SCIN: variants seen among roughly 807,000 people sequenced by gnomAD.
The protein encoded by SCIN is scinderin, also known as adseverin.
A neutral mutation model predicts 91.8 loss-of-function variants in SCIN; 91 were observed. That is an observed-to-expected ratio of 0.99 (90% CI 0.84 to 1.18). SCIN has a LOEUF of 1.18. Ranked by LOEUF, SCIN falls within the 50% of genes most tolerant of loss-of-function variation. SCIN has a pLI of 0.00. For missense variants in SCIN, 1,087 were observed against 863.9 expected (o/e 1.26, Z -3.24); for synonymous variants, 367 against 312.6 (o/e 1.17, Z -1.84).
chr7:12,636,801 A>G (rs1167152975), intron 10 of SCIN, among the ~76,000 whole-genome samples: 1 of 152,176 alleles, frequency 6.6e-6, no homozygotes, highest in Non-Finnish European at 1.5e-5. Flanking sequence ...CATTCCCAAC[A>G]CAAAGAAATG....
chr7:12,642,928 T>C (rs917192610), intron 11 of SCIN, among the ~76,000 whole-genome samples: 3 of 152,186 alleles, frequency 2.0e-5, no homozygotes, highest in Admixed American at 6.5e-5. Flanking sequence ...TGCTACCATA[T>C]GTATTGATCT....
At chr7:12,597,068 A>G (rs192620160) in intron 3 of SCIN, among the ~76,000 whole-genome samples, 84 of 152,366 alleles carry the variant, frequency 5.5e-4, no homozygotes, top group Admixed American at 1.4e-3. Flanking sequence ...CACACACAAT[A>G]TCTTTCAATA....
intron 9 of SCIN, 49 bp downstream of exon 9, chr7:12,629,271 G>A: frequency 6.4e-7 from 1 of 1,561,448 alleles, no homozygotes. Context: ...GCCAGATTTT[G>A]CTCCAAAGTA....
rs1301974709 is a variant in SCIN at position 12,657,606 on chromosome 7, C to CA, written c.*4898dup. On this transcript the variant is annotated 3_prime_UTR_variant, in exon 16 of 16. Transcript: ENST00000297029. ...TTTTTTTTTTTTTTTTTTGCATTGG[C>CA]AAAAAAACAAAGATATTGTTTAGCA... 4.0e-4 allele frequency: 16 copies of CA among 39,900 alleles called. No homozygotes were observed. Among genetic ancestry groups the CA allele is most frequent in the Non-Finnish European group, 6.9e-4 (13 of 18,714 alleles). 2.5% of individuals were successfully genotyped at this position (39,900 alleles called of 1,614,324 possible).
At chr7:12,598,509 A>T (rs1782888203) in intron 3 of SCIN, among the ~76,000 whole-genome samples, 2 of 152,206 alleles carry the variant, frequency 1.3e-5, no homozygotes, top group Non-Finnish European at 2.9e-5. Flanking sequence ...TACATTTTCA[A>T]ATTTGATGAA....
chr7:12,572,450 C>A (rs966252694), intron 1 of SCIN, among the ~76,000 whole-genome samples: 1 of 152,192 alleles, frequency 6.6e-6, no homozygotes, highest in Non-Finnish European at 1.5e-5. Flanking sequence ...ACTTTCCATG[C>A]AGAACTTAAA....
intron 14 of SCIN, among the ~76,000 whole-genome samples, chr7:12,650,814 G>A (rs1784064215): frequency 1.3e-5 from 2 of 152,058 alleles, no homozygotes; most frequent in South Asian, 2.1e-4. Flanking sequence ...TTATAGGGAG[G>A]GCAAGCTACT....
At chr7:12,614,555 A>G (rs1002538661) in intron 4 of SCIN, among the ~76,000 whole-genome samples, 1 of 152,162 alleles carries the variant, frequency 6.6e-6, no homozygotes, top group African/African-American at 2.4e-5. Context: ...GAAAGCATCA[A>G]GTAGGAGTAA....
chr7:12,636,614 C>G (rs770314181), intron 10 of SCIN, among the ~76,000 whole-genome samples: 1 of 152,126 alleles, frequency 6.6e-6, no homozygotes, highest in Non-Finnish European at 1.5e-5. Context: ...GGGAGATTAT[C>G]TGGGATTACT....
intron 4 of SCIN, among the ~76,000 whole-genome samples, chr7:12,621,418 A>C (rs1225081365): frequency 6.6e-6 from 1 of 152,112 alleles, no homozygotes; most frequent in Non-Finnish European, 1.5e-5. Context: ...CTGAAAATTA[A>C]GAGTTAGAGT....
chr7:12,571,272 C>G, intron 1 of SCIN: 1 of 463,918 alleles, frequency 2.2e-6, no homozygotes, highest in Non-Finnish European at 3.9e-6. Context: ...GCTTCTTCCC[C>G]TTTCACCGTC....
At chr7:12,574,635 T>G (rs905699401) in intron 1 of SCIN, among the ~76,000 whole-genome samples, 2 of 152,148 alleles carry the variant, frequency 1.3e-5, no homozygotes, top group African/African-American at 4.8e-5. Context: ...TACATTAATA[T>G]GTTAAGCTAT....
intron 3 of SCIN, among the ~76,000 whole-genome samples, chr7:12,600,497 A>G (rs1264894527): frequency 6.6e-6 from 1 of 152,246 alleles, no homozygotes; most frequent in Non-Finnish European, 1.5e-5. Context: ...GAAATCTATT[A>G]AAATTAAAAA....
rs939234880 is a variant in SCIN, at chr7:12,651,583, A to G, written c.1960-258A>G. On this transcript the variant is annotated intron_variant, in intron 14 of 15. Coordinates refer to ENST00000297029, the MANE Select transcript of SCIN (RefSeq NM_001112706.3). This position sits in a 1 kb window ranked among gnomAD's most constrained non-coding sequence, Gnocchi z 5.9. ...TGTGAAAGATCACTTTACAAACTAG[A>G]AAGTACCATGTAAACATAAAATATC... 1.3e-5 allele frequency among the ~76,000 whole-genome samples: 2 copies of G among 152,018 alleles called. No individual in the cohort carries two copies. The highest frequency in any genetic ancestry group is 6.6e-5 in the Admixed American group (1 of 15,252).
chr7:12,643,904 A>T (rs1359563978), intron 11 of SCIN, among the ~76,000 whole-genome samples: 2 of 152,192 alleles, frequency 1.3e-5, no homozygotes, highest in East Asian at 1.9e-4. Flanking sequence ...ATATGGTCAG[A>T]CAGTTCTCAC....
intron 4 of SCIN, among the ~76,000 whole-genome samples, chr7:12,611,901 CAACATA>C (rs1429401662): frequency 6.7e-6 from 1 of 148,518 alleles, no homozygotes; most frequent in Non-Finnish European, 1.5e-5. Flanking sequence ...CCAGCCTGGG[CAACATA>C]AAGTAACCCT....
chr7:12,634,797 C>A (rs1184330440), intron 9 of SCIN, among the ~76,000 whole-genome samples: 1 of 152,154 alleles, frequency 6.6e-6, no homozygotes, highest in Non-Finnish European at 1.5e-5. Flanking sequence ...CAGCCACAAG[C>A]CACCCTAGAA....
intron 3 of SCIN, among the ~76,000 whole-genome samples, chr7:12,598,529 T>C (rs533313986): frequency 1.6e-4 from 24 of 152,196 alleles, no homozygotes; most frequent in African/African-American, 5.5e-4. Flanking sequence ...AATACTAAAA[T>C]TGTGTTTTTA....
At chr7:12,647,027 A>G (rs1489882115) in intron 13 of SCIN, among the ~76,000 whole-genome samples, 1 of 152,188 alleles carries the variant, frequency 6.6e-6, no homozygotes, top group African/African-American at 2.4e-5. Context: ...TTGACTTGAT[A>G]TTGCATCCAA....
Sources: allele counts gnomAD v4.1 joint callset (sites outside exome capture counted in the v4.1 genomes callset), GRCh38; gene constraint gnomAD v4.1.1; non-coding constraint Gnocchi (gnomAD v3.1); transcripts MANE v1.5; gene names NCBI Gene and HGNC (gene_info 2026-07-23, HGNC 2026-07-21).